Variants in KCNS1 observed in about 807,000 individuals in gnomAD.
KCNS1 encodes the protein delayed-rectifier potassium channel regulatory subunit KCNS1.
KCNS1 carries 26 observed loss-of-function variants against 33.1 expected under a neutral mutation model. The ratio of observed to expected loss-of-function variants is 0.79; its 90% CI spans 0.58 to 1.09. KCNS1 has a LOEUF of 1.09. Among genes scored for constraint, KCNS1 ranks in the 50% least tolerant of loss-of-function variants. The pLI, the probability that KCNS1 is intolerant of heterozygous loss-of-function variation, is 0.00. For missense variants in KCNS1, 702 were observed against 752.4 expected (o/e 0.93, Z 0.78); for synonymous variants, 299 against 338.8 (o/e 0.88, Z 1.29).
chr20:45,098,546 GCCGCGT>G lies in KCNS1; in HGVS notation c.220_225del (p.Thr74_Arg75del). 4.9e-6 allele frequency: 7 copies of G among 1,430,258 alleles called. No homozygotes were observed. Among genetic ancestry groups the G allele is most frequent in the Non-Finnish European group, 6.4e-6 (7 of 1,090,140 alleles). The allele number at this position is 1,430,258 out of a possible 1,614,324, so 88.6% of individuals were successfully genotyped here. ...GACGCCGCGGCCTGCAGGCGGCCCA[GCCGCGT>G]GCCCGGGAAGCGCGCCAGGGCGCGC... On this transcript the variant is annotated inframe_deletion, in exon 3 of 4. Coordinates refer to ENST00000537075, the MANE Select transcript of KCNS1 (RefSeq NM_001322799.2). This position sits in a 1 kb window ranked among gnomAD's most constrained non-coding sequence, Gnocchi z 5.2.
In KCNS1 at chr20:45,097,692, G is replaced by A. The variant is rs199944096; in HGVS notation, c.1080C>T (p.Thr360=). Residue 360 remains threonine (T), a synonymous_variant, in exon 3 of 4, where the codon ACC becomes ACT. Coordinates refer to ENST00000537075, the MANE Select transcript of KCNS1 (RefSeq NM_001322799.2). ...GCGTGGCTCCCAGCGAGCGCAGCCC[G>A]GTGGAATGGCGCGCCAACTTGAGTA... The part of the protein sequence containing the change: ...FRVLKLARHS[T]GLRSLGATLK... 8.6e-5 allele frequency: 138 copies of A among 1,608,760 alleles called. No homozygotes were observed. The East Asian group carries it at 2.7e-3, about 31-fold the overall frequency.
At position 45,098,730 on chromosome 20, in the gene KCNS1, C is replaced by A; in HGVS notation, c.77-35G>T. ...CCAGAAGGGCGCGCTGAGGAGTTCC[C>A]GGGCTTCCCTTCCTGGAAGACCAGG... On this transcript the variant is annotated intron_variant, in intron 2 of 3. Coordinates refer to ENST00000537075, the MANE Select transcript of KCNS1 (RefSeq NM_001322799.2). This position sits in a 1 kb window ranked among gnomAD's most constrained non-coding sequence, Gnocchi z 5.2. 7.5e-7 allele frequency: 1 copy of A among 1,340,236 alleles called. No individual in the cohort carries two copies. Among genetic ancestry groups the A allele is most frequent in the East Asian group, 2.9e-5 (1 of 34,428 alleles). 83.0% of individuals were successfully genotyped at this position (1,340,236 alleles called of 1,614,324 possible). A position where few individuals can be genotyped will look rare whatever the true frequency, so the allele number is the denominator to read the frequency against.
At position 45,098,081 on chromosome 20, in the gene KCNS1, G is replaced by A. The variant is rs756515952; in HGVS notation, c.691C>T (p.Leu231Phe). Residue 231 changes from leucine to phenylalanine, a missense_variant, in exon 3 of 4, where the codon CTC becomes TTC. Transcript: ENST00000537075. The surrounding 1 kb of genome is among the most constrained non-coding windows in gnomAD (Gnocchi z 5.2). ...LFSCVSISVV[L>F]ASIAAMCIHS... Reference sequence around the variant, plus strand: ...ATGCACATGGCGGCGATGGAGGCGAGCACCACGCTGATGGAGACGCAGCTG... The same window carrying A: ...ATGCACATGGCGGCGATGGAGGCGAACACCACGCTGATGGAGACGCAGCTG... 1.9e-6 allele frequency: 3 copies of A among 1,564,984 alleles called. No individual in the cohort carries two copies. In the South Asian group the frequency reaches 3.5e-5, roughly 18 times the overall value.
chr20:45,091,910 G>A lies in KCNS1; in HGVS notation c.*2960C>T, dbSNP rs1981010591. 6.6e-6 allele frequency among the ~76,000 whole-genome samples: 1 copy of A among 152,134 alleles called. No homozygotes were observed. The highest frequency in any genetic ancestry group is 1.5e-5 in the Non-Finnish European group (1 of 68,024). On this transcript the variant is annotated 3_prime_UTR_variant, in exon 4 of 4. Transcript: ENST00000537075. ...TGGCCCTGCTGACATCTTGATTTTG[G>A]ATTTCTGGCCTCCAGAACTGTCAGA...
chr20:45,098,628 G>A lies in KCNS1; in HGVS notation c.144C>T (p.Ser48=). 2 of 1,474,594 alleles carry A rather than the reference G, an allele frequency of 1.4e-6. No individual in the cohort carries two copies. Among genetic ancestry groups the A allele is most frequent in the Non-Finnish European group, 1.8e-6 (2 of 1,113,626 alleles). The allele number at this position is 1,474,594 out of a possible 1,614,324, so 91.3% of individuals were successfully genotyped here. Residue 48 remains serine, a synonymous_variant, in exon 3 of 4, where the codon AGC becomes AGT. Transcript: ENST00000537075. The surrounding 1 kb of genome is among the most constrained non-coding windows in gnomAD (Gnocchi z 5.2). ...GPDTGIRWRR[S]DEALRVNVGG... is the part of the protein sequence containing the mutation. ...CCACGTTCACGCGCAGCGCCTCGTC[G>A]CTTCGCCGCCAGCGGATCCCGGTGT...
At position 45,091,903 on chromosome 20, in the gene KCNS1, G is replaced by A. The variant is rs968654152; in HGVS notation, c.*2967C>T. ...GGGAGGGTGGCCCTGCTGACATCTT[G>A]ATTTTGGATTTCTGGCCTCCAGAAC... is the stretch of plus-strand genomic sequence containing the variant. On this transcript the variant is annotated 3_prime_UTR_variant, in exon 4 of 4. Transcript: ENST00000537075. Among the ~76,000 whole-genome samples the A allele has an allele frequency of 1.3e-5, 2 of 152,158 alleles. No homozygotes were observed. The highest frequency in any genetic ancestry group is 4.8e-5 in the African/African-American group (2 of 41,432).
At position 45,091,710 on chromosome 20, in the gene KCNS1, T is replaced by A. The variant is rs2145508279; in HGVS notation, c.*3160A>T. Among the ~76,000 whole-genome samples the A allele has an allele frequency of 6.6e-6, 1 of 152,338 alleles. No individual in the cohort carries two copies. The highest frequency in any genetic ancestry group is 1.5e-5 in the Non-Finnish European group (1 of 68,020). On this transcript the variant is annotated 3_prime_UTR_variant, in exon 4 of 4. Transcript: ENST00000537075. ...TGGTGGGCCTAAATGTCATCAAAAGTGTCCTTGTAAGACAGAGGCACTGGA... is the reference window on the plus strand; with the variant it reads ...TGGTGGGCCTAAATGTCATCAAAAGAGTCCTTGTAAGACAGAGGCACTGGA...
At chr20:45,100,731 T>C in intron 1 of KCNS1, among the ~76,000 whole-genome samples, 190 bp downstream of exon 1, 1 of 152,224 alleles carries the variant, frequency 6.6e-6, no homozygotes, top group East Asian at 1.9e-4. Context: ...AATCCCATTT[T>C]ACAGATGAGC....
chr20:45,099,925 T>A (rs2145516346), intron 1 of KCNS1, among the ~76,000 whole-genome samples: 1 of 152,368 alleles, frequency 6.6e-6, no homozygotes, highest in African/African-American at 2.4e-5. Context: ...GTAAAGCACC[T>A]GGGCTTGGCA....
At position 45,094,035 on chromosome 20, in the gene KCNS1, T is replaced by A. The variant is rs1981089354; in HGVS notation, c.*835A>T. The A allele has an allele frequency of 1.3e-5, 2 of 152,262 alleles. No individual in the cohort carries two copies. Among genetic ancestry groups the A allele is most frequent in the Non-Finnish European group, 2.9e-5 (2 of 68,106 alleles). 9.4% of individuals were successfully genotyped at this position (152,262 alleles called of 1,614,324 possible). On this transcript the variant is annotated 3_prime_UTR_variant, in exon 4 of 4. Transcript: ENST00000537075. The stretch of plus-strand genomic sequence containing the variant: ...CACAGCAGGTCTTGGCGCAGCTAGG[T>A]TGTCTAGATCTCAGGCCAGGGGCCC...
At position 45,097,898 on chromosome 20, in the gene KCNS1, G is replaced by A; in HGVS notation, c.874C>T (p.Leu292=). ...WFSFEVSSRL[L]LAPSTRNFFC... ...AAGTTGCGCGTACTGGGCGCCAGCA[G>A]GAGGCGCGACGACACCTCGAAGCTG... is the stretch of plus-strand genomic sequence containing the variant. The change falls in exon 3 of 4, where the codon CTG becomes TTG. Residue 292 remains leucine, a synonymous_variant. Transcript: ENST00000537075. 6.2e-7 allele frequency: 1 copy of A among 1,608,586 alleles called. No individual in the cohort carries two copies. Among genetic ancestry groups the A allele is most frequent in the South Asian group, 1.1e-5 (1 of 90,310 alleles).
chr20:45,097,624 C>T (rs746267557), intron 3 of KCNS1, 38 bp downstream of exon 3: 3 of 1,557,328 alleles, frequency 1.9e-6, no homozygotes, highest in South Asian at 2.3e-5. Context: ...TGGCTACACC[C>T]GCCCACCCCA....
Position 45,094,951 on chromosome 20 carries a change from G to T in KCNS1, c.1500C>A (p.Ser500=). 6.2e-7 allele frequency: 1 copy of T among 1,613,910 alleles called. No homozygotes were observed. The highest frequency in any genetic ancestry group is 8.5e-7 in the Non-Finnish European group (1 of 1,179,994). ...DGVSEASLET[S]RETSQEGQSA... Reference sequence around the variant, plus strand: ...ACTGTCCCTCCTGAGAGGTTTCTCGGGATGTCTCCAGAGATGCCTCCGACA... The same window carrying T: ...ACTGTCCCTCCTGAGAGGTTTCTCGTGATGTCTCCAGAGATGCCTCCGACA... The change falls in exon 4 of 4, where the codon TCC becomes TCA. Residue 500 remains serine, a synonymous_variant. Coordinates refer to ENST00000537075, the MANE Select transcript of KCNS1 (RefSeq NM_001322799.2).
In KCNS1 at chr20:45,098,324, C is replaced by A. The variant is rs761018535; in HGVS notation, c.448G>T (p.Ala150Ser). The change falls in exon 3 of 4, where the codon GCG becomes TCG. Residue 150 changes from alanine to serine, a missense_variant. Ala to Ser is a moderately conservative substitution (Grantham distance 99). Around this residue, in one of 3 missense-constraint regions of KCNS1, gnomAD observed 374 missense variants for 352.3 expected, o/e 1.06. Coordinates refer to ENST00000537075, the MANE Select transcript of KCNS1 (RefSeq NM_001322799.2). The surrounding 1 kb of genome is among the most constrained non-coding windows in gnomAD (Gnocchi z 5.2). ...TCCAGGTAGCGCGCGCGGCAGCACG[C>A]GGCAAGCGCGTTCTCGCCTAGGCCC... Reference protein sequence around the residue: ...YWGLGENALAACCRARYLERR... With the variant: ...YWGLGENALASCCRARYLERR... 2 of 1,572,180 alleles carry A rather than the reference C, an allele frequency of 1.3e-6. No individual in the cohort carries two copies. Among genetic ancestry groups the A allele is most frequent in the Non-Finnish European group, 8.6e-7 (1 of 1,160,494 alleles).
chr20:45,095,404 T>A, intron 3 of KCNS1, 64 bp from the exon 4 acceptor site: 5 of 1,420,846 alleles, frequency 3.5e-6, no homozygotes, highest in Non-Finnish European at 4.8e-6. Flanking sequence ...ATTAGGCATA[T>A]GGGGAAACTG....
At position 45,093,422 on chromosome 20, in the gene KCNS1, AC is replaced by A. The variant is rs1308567836; in HGVS notation, c.*1447del. 6.6e-6 allele frequency: 1 copy of A among 152,006 alleles called. No individual in the cohort carries two copies. The highest frequency in any genetic ancestry group is 1.5e-5 in the Non-Finnish European group (1 of 68,010). The allele number at this position is 152,006 out of a possible 1,614,324, so 9.4% of individuals were successfully genotyped here. A position where few individuals can be genotyped will look rare whatever the true frequency, so the allele number is the denominator to read the frequency against. ...CTTTTTTTCCCCCTCTGAGCTTGGC[AC>A]CCAGTGGGCTGTAGGAATTGGTTGA... On this transcript the variant is annotated 3_prime_UTR_variant, in exon 4 of 4. Coordinates refer to ENST00000537075, the MANE Select transcript of KCNS1 (RefSeq NM_001322799.2).
intron 3 of KCNS1, 113 bp from the exon 4 acceptor site, chr20:45,095,453 A>C: frequency 1.0e-6 from 1 of 967,146 alleles, no homozygotes; most frequent in Non-Finnish European, 1.5e-6. Flanking sequence ...AAAGTCAGCA[A>C]GATAGAGCTG....
intron 1 of KCNS1, chr20:45,100,098 G>C (rs1255526315): frequency 6.6e-6 from 1 of 152,244 alleles, no homozygotes; most frequent in African/African-American, 2.4e-5. Flanking sequence ...GAAAACAGTA[G>C]ATGCTCAATA....
chr20:45,093,935 C>G lies in KCNS1; in HGVS notation c.*935G>C, dbSNP rs1054136. ...TCTGCTCTCCTTGGCTTTCATTGCC[C>G]TCTGGGTCACAGATTCTGACCATTT... is the stretch of plus-strand genomic sequence containing the variant. On this transcript the variant is annotated 3_prime_UTR_variant, in exon 4 of 4. Coordinates refer to ENST00000537075, the MANE Select transcript of KCNS1 (RefSeq NM_001322799.2). 6.6e-6 allele frequency: 1 copy of G among 152,242 alleles called. No homozygotes were observed. The highest frequency in any genetic ancestry group is 1.5e-5 in the Non-Finnish European group (1 of 68,128). 9.4% of individuals were successfully genotyped at this position (152,242 alleles called of 1,614,324 possible).
Sources: gnomAD v4.1 joint callset for allele counts (sites outside exome capture counted in the v4.1 genomes callset) on GRCh38, gnomAD v4.1.1 for gene constraint, gnomAD v4.1.1 regional missense constraint, Gnocchi (gnomAD v3.1) non-coding constraint, MANE v1.5 for transcripts, NCBI Gene and HGNC (gene_info 2026-07-23, HGNC 2026-07-21) for gene names.